Variants in LRRC7 observed in about 807,000 individuals in gnomAD.
LRRC7 encodes the protein leucine rich repeat containing 7.
A neutral mutation model predicts 175.7 loss-of-function variants in LRRC7; 23 were observed. The observed-to-expected ratio is 0.13, with a 90% CI of 0.09 to 0.19. The LOEUF is 0.19. Among genes scored for constraint, LRRC7 ranks in the 10% least tolerant of loss-of-function variants. LRRC7 has a pLI of 1.00. For synonymous variants in LRRC7, 685 were observed against 680.9 expected (o/e 1.01, Z -0.09); for missense variants, 1,354 against 1,904.7 (o/e 0.71, Z 5.38).
intron 2 of LRRC7, among the ~76,000 whole-genome samples, chr1:69,740,069 T>C (rs1668539584): frequency 6.6e-6 from 1 of 152,012 alleles, no homozygotes. Flanking sequence ...TACTATATGA[T>C]TGGTCAGTTT....
At chr1:69,592,684 A>G (rs1646686873) in intron 1 of LRRC7, among the ~76,000 whole-genome samples, 1 of 152,108 alleles carries the variant, frequency 6.6e-6, no homozygotes, top group South Asian at 2.1e-4. Flanking sequence ...TAAGCCTCTC[A>G]CTTTTATATT....
chr1:69,944,622 C>A lies in LRRC7; in HGVS notation c.711+13052C>A, dbSNP rs555984699. Among the ~76,000 whole-genome samples the A allele has an allele frequency of 3.9e-5, 6 of 152,098 alleles. No homozygotes were observed. In the East Asian group the frequency reaches 1.2e-3, roughly 29 times the overall value. On this transcript the variant is annotated intron_variant, in intron 8 of 26. Transcript: ENST00000651989. Reference sequence around the variant, plus strand: ...TGACAGCACCATTTTACGTTCCCACCAACAGTACATAAGAGTTCCAATTTC... The same window carrying A: ...TGACAGCACCATTTTACGTTCCCACAAACAGTACATAAGAGTTCCAATTTC...
chr1:70,044,099 G>A lies in LRRC7; in HGVS notation c.4110+5G>A. ...CAAGAACTACCTCTTCAGAAAGTAAGTATGGACTGCCCTACATGTGTCAGC... is the reference window on the plus strand; with the variant it reads ...CAAGAACTACCTCTTCAGAAAGTAAATATGGACTGCCCTACATGTGTCAGC... On this transcript the variant is annotated splice_donor_5th_base_variant and intron_variant, in intron 22 of 26. Transcript: ENST00000651989. 1.2e-6 allele frequency: 2 copies of A among 1,612,076 alleles called. No individual in the cohort carries two copies. The highest frequency in any genetic ancestry group is 1.7e-6 in the Non-Finnish European group (2 of 1,178,990).
intron 1 of LRRC7, among the ~76,000 whole-genome samples, chr1:69,572,971 C>A (rs1645798657): frequency 6.6e-6 from 1 of 152,008 alleles, no homozygotes; most frequent in African/African-American, 2.4e-5. Context: ...TCAAATATGT[C>A]TATTTCCTAT....
In LRRC7 at chr1:70,124,751, C is replaced by CT. The variant is rs1019823843; in HGVS notation, c.*2868dup. Among the ~76,000 whole-genome samples, 6 of 135,414 alleles carry CT rather than the reference C, an allele frequency of 4.4e-5. No homozygotes were observed. Among genetic ancestry groups the CT allele is most frequent in the Non-Finnish European group, 5.1e-5 (3 of 58,826 alleles). 88.8% of individuals were successfully genotyped at this position (135,414 alleles called of 152,430 possible). A position where few individuals can be genotyped will look rare whatever the true frequency, so the allele number is the denominator to read the frequency against. ...CAATAAAAAAAAGTCAAGGGTGTGC[C>CT]TTTTAAAAAAAAAAAAGAAAAATCA... On this transcript the variant is annotated 3_prime_UTR_variant, in exon 27 of 27. Coordinates refer to ENST00000651989, the MANE Select transcript of LRRC7 (RefSeq NM_001370785.2).
chr1:69,768,720 G>A (rs1242779294), intron 3 of LRRC7, among the ~76,000 whole-genome samples: 2 of 152,176 alleles, frequency 1.3e-5, no homozygotes, highest in African/African-American at 4.8e-5. Context: ...CTCTCTCGTA[G>A]CAGTTTTTAC....
intron 8 of LRRC7, among the ~76,000 whole-genome samples, chr1:69,971,377 A>T (rs776301132): frequency 3.9e-5 from 6 of 152,196 alleles, no homozygotes; most frequent in Non-Finnish European, 8.8e-5. Flanking sequence ...AAAACCCTAA[A>T]GACTACTCCA....
rs1675135392 is a variant in LRRC7, at chr1:69,791,636, A to G, written c.304-407A>G. ...ATAAACAACTGTTCAATGTGATTAC[A>G]TTAAAATAATACCTCATGAAATCTA... On this transcript the variant is annotated intron_variant, in intron 3 of 26. Transcript: ENST00000651989. 1.3e-5 allele frequency among the ~76,000 whole-genome samples: 2 copies of G among 152,214 alleles called. 1 individual carries two copies. The highest frequency in any genetic ancestry group is 4.1e-4 in the South Asian group (2 of 4,828).
At chr1:70,096,958 A>G (rs957760925) in intron 25 of LRRC7, among the ~76,000 whole-genome samples, 5 of 152,200 alleles carry the variant, frequency 3.3e-5, no homozygotes, top group Admixed American at 2.0e-4. Flanking sequence ...GGCAGTCTCA[A>G]TGCTTTTACT....
chr1:69,981,752 A>G (rs1247002348), intron 9 of LRRC7, among the ~76,000 whole-genome samples: 1 of 152,216 alleles, frequency 6.6e-6, no homozygotes, highest in Non-Finnish European at 1.5e-5. Context: ...GAATCAGAAT[A>G]TATGCCAGCT....
At chr1:69,598,328 T>C (rs914627670) in intron 1 of LRRC7, among the ~76,000 whole-genome samples, 2 of 152,172 alleles carry the variant, frequency 1.3e-5, no homozygotes, top group African/African-American at 4.8e-5. Flanking sequence ...GGCAAGATCT[T>C]GGGCAAAATC....
At chr1:69,681,115 TATC>T (rs140202531) in intron 2 of LRRC7, among the ~76,000 whole-genome samples, 9,976 of 152,158 alleles carry the variant, frequency 0.066, 443 homozygotes, top group East Asian at 0.2. Flanking sequence ...TCTAAATAAA[TATC>T]ATAAAGCTGA....
At chr1:70,020,614 C>T (rs1171933055) in intron 15 of LRRC7, among the ~76,000 whole-genome samples, 1 of 151,964 alleles carries the variant, frequency 6.6e-6, no homozygotes, top group South Asian at 2.1e-4. Context: ...GAGCAAGTCC[C>T]TTAAAACTCA....
At chr1:69,808,589 G>T (rs1474567900) in intron 4 of LRRC7, among the ~76,000 whole-genome samples, 1 of 152,078 alleles carries the variant, frequency 6.6e-6, no homozygotes, top group African/African-American at 2.4e-5. Context: ...AATCAAATTA[G>T]AACTTAGAAT....
In LRRC7 at chr1:69,591,350, AT is replaced by A. The variant is rs534121999; in HGVS notation, c.2+22716del. Among the ~76,000 whole-genome samples the A allele has an allele frequency of 5.9e-3, 898 of 152,128 alleles. 4 individuals carry two copies. Among genetic ancestry groups the A allele is most frequent in the Non-Finnish European group, 9.3e-3 (633 of 67,928 alleles). Reference sequence around the variant, plus strand: ...ATATCAGTATCTAAAGTGTCTGAGAATTTTTTTGGGTTGCCACTTCATAAAA... The same window carrying A: ...ATATCAGTATCTAAAGTGTCTGAGAATTTTTTGGGTTGCCACTTCATAAAA... On this transcript the variant is annotated intron_variant, in intron 1 of 26. Transcript: ENST00000651989.
At chr1:69,939,029 ATC>A (rs371106878) in intron 8 of LRRC7, among the ~76,000 whole-genome samples, 37,114 of 119,392 alleles carry the variant, frequency 0.31, 7,611 homozygotes, top group Non-Finnish European at 0.39. Context: ...ATATATATAT[ATC>A]TATATATATC....
chr1:69,707,795 T>C (rs1664235098), intron 2 of LRRC7, among the ~76,000 whole-genome samples: 1 of 152,166 alleles, frequency 6.6e-6, no homozygotes, highest in Non-Finnish European at 1.5e-5. Flanking sequence ...GGAAGCAGAC[T>C]CTTGCTTTAG....
At chr1:69,917,388 TGAA>T (rs1355259721) in intron 7 of LRRC7, among the ~76,000 whole-genome samples, 5 of 152,178 alleles carry the variant, frequency 3.3e-5, no homozygotes, top group African/African-American at 7.2e-5. Flanking sequence ...CTTACTTTCA[TGAA>T]GAAGGCGTAG....
In LRRC7 at chr1:69,610,518, T is replaced by C. The variant is rs372650007; in HGVS notation, c.2+41877T>C. ...TGTTTTCTATGTCTATGATTACTAG[T>C]AATTTGATTTTTTAAACATGCTTAT... On this transcript the variant is annotated intron_variant, in intron 1 of 26. Transcript: ENST00000651989. Among the ~76,000 whole-genome samples, 160 of 152,124 alleles carry C rather than the reference T, an allele frequency of 1.1e-3. 5 individuals are homozygous for C. The South Asian group carries it at 0.033, about 31-fold the overall frequency.
Sources: gnomAD v4.1 joint callset for allele counts (sites outside exome capture counted in the v4.1 genomes callset) on GRCh38, gnomAD v4.1.1 for gene constraint, MANE v1.5 for transcripts, NCBI Gene and HGNC (gene_info 2026-07-23, HGNC 2026-07-21) for gene names.